The following ADAMTSL1 variants were observed in gnomAD, a reference collection of about 807,000 sequenced individuals.
ADAMTSL1 encodes the protein ADAMTS-like protein 1.
ADAMTSL1 carries 126 observed loss-of-function variants against 201.8 expected under a neutral mutation model. The ratio of observed to expected loss-of-function variants is 0.62; its 90% CI spans 0.54 to 0.72. The LOEUF is 0.72. ADAMTSL1 is among the 30% of genes least tolerant of loss of function. ADAMTSL1 has a pLI of 0.00. For synonymous variants in ADAMTSL1, 1,121 were observed against 903.4 expected (o/e 1.24, Z -4.32); for missense variants, 2,679 against 2,277.8 (o/e 1.18, Z -3.59).
intron 2 of ADAMTSL1, among the ~76,000 whole-genome samples, chr9:18,510,019 C>A (rs1018719569): frequency 7.2e-5 from 11 of 152,176 alleles, no homozygotes; most frequent in Non-Finnish European, 1.3e-4. Context: ...AGAGGCCTAG[C>A]AGGTAACTGG....
intron 2 of ADAMTSL1, among the ~76,000 whole-genome samples, chr9:18,187,090 A>G (rs1311188206): frequency 2.0e-5 from 3 of 152,170 alleles, no homozygotes; most frequent in African/African-American, 7.2e-5. Flanking sequence ...TTTCATCAGC[A>G]ACTGTCATGT....
At chr9:18,296,451 G>A (rs1833480882) in intron 2 of ADAMTSL1, among the ~76,000 whole-genome samples, 1 of 152,058 alleles carries the variant, frequency 6.6e-6, no homozygotes. Context: ...AAATAACTTA[G>A]AGGTTAATTG....
At chr9:18,630,406 C>A (rs1231938323) in intron 5 of ADAMTSL1, among the ~76,000 whole-genome samples, 1 of 152,194 alleles carries the variant, frequency 6.6e-6, no homozygotes, top group Non-Finnish European at 1.5e-5. Context: ...ATGCTGCTGG[C>A]TACTTTAAGG....
chr9:18,363,669 G>C (rs1196448293), intron 2 of ADAMTSL1, among the ~76,000 whole-genome samples: 1 of 152,124 alleles, frequency 6.6e-6, no homozygotes, highest in Non-Finnish European at 1.5e-5. Context: ...GTGAGTCCAT[G>C]ATATATAAAG....
Position 18,684,822 on chromosome 9 carries a change from T to C in ADAMTSL1, c.1574+22T>C, listed in dbSNP as rs778584058. The C allele has an allele frequency of 6.9e-6, 11 of 1,594,778 alleles. No individual in the cohort carries two copies. The South Asian group carries it at 1.1e-4, about 17-fold the overall frequency. On this transcript the variant is annotated intron_variant, in intron 13 of 28. Transcript: ENST00000380548. ...CCTCGTAAGTTGTAAAAGCACAGAC[T>C]GTTCTATATTTGAAACTGTTTTGTT...
chr9:18,770,137 G>A (rs1478417649), intron 16 of ADAMTSL1, among the ~76,000 whole-genome samples: 1 of 152,166 alleles, frequency 6.6e-6, no homozygotes, highest in Non-Finnish European at 1.5e-5. Flanking sequence ...ATTCCGTGTG[G>A]TAGAGTGCCT....
At chr9:18,051,529 C>A (rs1295369157) in intron 1 of ADAMTSL1, among the ~76,000 whole-genome samples, 2 of 151,308 alleles carry the variant, frequency 1.3e-5, no homozygotes, top group East Asian at 1.9e-4. Flanking sequence ...AGGAAAGATA[C>A]AGACAACTTT....
At chr9:18,006,328 A>G (rs923969588) in intron 1 of ADAMTSL1, among the ~76,000 whole-genome samples, 3 of 152,082 alleles carry the variant, frequency 2.0e-5, no homozygotes, top group East Asian at 3.9e-4. Context: ...ATTAATTGCA[A>G]GCTTATAGAA....
At chr9:18,566,634 T>C (rs2132313729) in intron 3 of ADAMTSL1, among the ~76,000 whole-genome samples, 1 of 152,228 alleles carries the variant, frequency 6.6e-6, no homozygotes, top group East Asian at 1.9e-4. Context: ...AAGGGATGGA[T>C]AATGCATGCA....
chr9:18,319,176 G>C (rs1563883900), intron 2 of ADAMTSL1, among the ~76,000 whole-genome samples: 2 of 152,046 alleles, frequency 1.3e-5, no homozygotes, highest in African/African-American at 4.8e-5. Context: ...GTGCCAGCCT[G>C]GGCAATAGAG....
At chr9:18,270,218 A>C (rs116252360) in intron 2 of ADAMTSL1, among the ~76,000 whole-genome samples, 385 of 152,186 alleles carry the variant, frequency 2.5e-3, no homozygotes, top group African/African-American at 9.0e-3. Flanking sequence ...CTGTCTTCAC[A>C]AGGTAGAAGG....
chr9:18,583,260 G>T (rs1464647138), intron 4 of ADAMTSL1, among the ~76,000 whole-genome samples: 1 of 152,184 alleles, frequency 6.6e-6, no homozygotes, highest in Non-Finnish European at 1.5e-5. Context: ...CTGCATCCCA[G>T]CTGCTCCAGC....
At chr9:18,722,217 C>G (rs185383425) in intron 15 of ADAMTSL1, among the ~76,000 whole-genome samples, 2 of 152,244 alleles carry the variant, frequency 1.3e-5, no homozygotes, top group East Asian at 3.9e-4. Flanking sequence ...TCATTATTAG[C>G]CAACATTGAG....
chr9:18,466,061 T>C (rs1164887690), intron 2 of ADAMTSL1, among the ~76,000 whole-genome samples: 1 of 152,196 alleles, frequency 6.6e-6, no homozygotes, highest in African/African-American at 2.4e-5. Flanking sequence ...TCAAGTATCT[T>C]ATTTAAAAGA....
chr9:18,041,407 T>C (rs1338209217), intron 1 of ADAMTSL1, among the ~76,000 whole-genome samples: 1 of 152,178 alleles, frequency 6.6e-6, no homozygotes, highest in African/African-American at 2.4e-5. Context: ...ATAAAGCAAA[T>C]TCCAGTAATG....
chr9:17,948,857 C>T (rs751611100), intron 1 of ADAMTSL1, among the ~76,000 whole-genome samples: 1 of 152,224 alleles, frequency 6.6e-6, no homozygotes, highest in Non-Finnish European at 1.5e-5. Context: ...AAGACTGTTT[C>T]TACCAGCTGG....
rs181056789 is a variant in ADAMTSL1, at chr9:18,847,031, A to G, written c.4249+17054A>G. Among the ~76,000 whole-genome samples, 3 of 152,204 alleles carry G rather than the reference A, an allele frequency of 2.0e-5. No homozygotes were observed. The South Asian group carries it at 6.2e-4, about 31-fold the overall frequency. On this transcript the variant is annotated intron_variant, in intron 23 of 28. Coordinates refer to ENST00000380548, the MANE Select transcript of ADAMTSL1 (RefSeq NM_001040272.6). ...TAGTTATAAGGAGGAGAATACCCCA[A>G]AGCTTCTGTTTGCTAAGTCCTGCTC...
intron 13 of ADAMTSL1, among the ~76,000 whole-genome samples, chr9:18,685,132 C>T (rs1477210041): frequency 6.6e-6 from 1 of 152,150 alleles, no homozygotes; most frequent in African/African-American, 2.4e-5. Context: ...AGATTTGATG[C>T]CAAAGTCTGA....
At chr9:18,284,114 C>T (rs1832906025) in intron 2 of ADAMTSL1, among the ~76,000 whole-genome samples, 1 of 147,350 alleles carries the variant, frequency 6.8e-6, no homozygotes, top group African/African-American at 2.5e-5. Flanking sequence ...CCTGTAATTC[C>T]ACTACTCGGG....
Sources: gnomAD v4.1 joint callset for allele counts (sites outside exome capture counted in the v4.1 genomes callset) on GRCh38, gnomAD v4.1.1 for gene constraint, MANE v1.5 for transcripts, NCBI Gene and HGNC (gene_info 2026-07-23, HGNC 2026-07-21) for gene names.